The following EPHA6 variants were observed in gnomAD, a reference collection of about 807,000 sequenced individuals.
EPHA6 encodes ephrin type-A receptor 6.
Under a neutral mutation model 112.0 loss-of-function variants are expected in EPHA6, and 50 were observed. That is an observed-to-expected ratio of 0.45 (90% confidence interval 0.36 to 0.56). The LOEUF (loss-of-function observed/expected upper bound fraction) is 0.56. EPHA6 is among the 20% of genes least tolerant of loss of function. The probability of loss-of-function intolerance (pLI) is 0.00; values close to 1 mark genes in which losing one functional copy is unlikely to be tolerated. For missense variants in EPHA6, 1,280 were observed against 1,417.4 expected, an observed-to-expected ratio of 0.90 and a Z score of 1.56; for synonymous variants, 529 against 490.7, an observed-to-expected ratio of 1.08 and a Z score of -1.03.
chr3:97,121,398 A>G (rs916795017), intron 3 of EPHA6, among the ~76,000 whole-genome samples: 5 of 152,042 alleles, frequency 3.3e-5, no homozygotes, highest in African/African-American at 9.7e-5. Flanking sequence ...ATAATCTTAT[A>G]TGTAGGTGGA....
In EPHA6 at chr3:97,658,205, G is replaced by T. The variant is rs184094023; in HGVS notation, c.2784+20123G>T. 1.3e-3 allele frequency among the ~76,000 whole-genome samples: 197 copies of T among 151,946 alleles called. 1 individual carries two copies. Among genetic ancestry groups the T allele is most frequent in the Middle Eastern group, 3.4e-3 (1 of 294 alleles). On this transcript the variant is annotated intron_variant, in intron 14 of 17. Transcript: ENST00000389672. ...CATGTAAAACATGCTTTATAATGAA[G>T]AGTGAGACTATGAGCCCTGATTTTT...
rs145113129 is a variant in EPHA6 at position 97,084,067 on chromosome 3, A to AGTGTGTGTGTGTGTGTGT, written c.1114+96086_1114+96103dup. Among the ~76,000 whole-genome samples the AGTGTGTGTGTGTGTGTGT allele has an allele frequency of 1.8e-3, 194 of 109,724 alleles. 3 individuals carry two copies. Among genetic ancestry groups the AGTGTGTGTGTGTGTGTGT allele is most frequent in the African/African-American group, 6.1e-3 (180 of 29,324 alleles). The allele number at this position is 109,724 out of a possible 152,430, so 72.0% of individuals were successfully genotyped here. The stretch of plus-strand genomic sequence containing the variant: ...TAGGGGTGGTACATTTATTTCTTAA[A>AGTGTGTGTGTGTGTGTGT]GTGTGTGTGTGTGTGTGTGTGTGTG... On this transcript the variant is annotated intron_variant, in intron 3 of 17. Transcript: ENST00000389672.
At chr3:97,625,607 T>C (rs145422242) in intron 13 of EPHA6, among the ~76,000 whole-genome samples, 2 of 151,868 alleles carry the variant, frequency 1.3e-5, no homozygotes, top group Non-Finnish European at 3.0e-5. Context: ...TGTCCATTTT[T>C]CAGAGTGGGA....
intron 10 of EPHA6, among the ~76,000 whole-genome samples, chr3:97,530,476 G>C (rs751597438): frequency 2.0e-5 from 3 of 151,658 alleles, no homozygotes; most frequent in Non-Finnish European, 2.9e-5. Context: ...TCACCAAACA[G>C]CTTTGACATG....
chr3:97,517,038 G>A (rs951441666), intron 10 of EPHA6, among the ~76,000 whole-genome samples: 2 of 152,106 alleles, frequency 1.3e-5, no homozygotes, highest in South Asian at 2.1e-4. Flanking sequence ...GGTCTTCTTG[G>A]TTAATCATGT....
chr3:96,930,474 G>T (rs985345008), intron 2 of EPHA6, among the ~76,000 whole-genome samples: 13 of 152,284 alleles, frequency 8.5e-5, no homozygotes, highest in African/African-American at 2.4e-4. Flanking sequence ...GCAGGTTGCT[G>T]TGGGTCCCCT....
At chr3:97,234,549 G>A (rs2078626112) in intron 4 of EPHA6, among the ~76,000 whole-genome samples, 1 of 151,964 alleles carries the variant, frequency 6.6e-6, no homozygotes, top group Non-Finnish European at 1.5e-5. Context: ...AACATTTTTT[G>A]TCCTGTTATT....
intron 3 of EPHA6, among the ~76,000 whole-genome samples, chr3:97,134,837 C>T (rs912455291): frequency 2.0e-5 from 3 of 151,770 alleles, no homozygotes; most frequent in African/African-American, 7.3e-5. Flanking sequence ...AGAATAGATG[C>T]GAGATATGAC....
chr3:97,457,851 G>A (rs2090742693), intron 7 of EPHA6, among the ~76,000 whole-genome samples: 1 of 151,850 alleles, frequency 6.6e-6, no homozygotes, highest in African/African-American at 2.4e-5. Context: ...CGGATCACGA[G>A]GTCAGGAGAT....
chr3:97,630,587 A>G (rs1449686447), intron 13 of EPHA6, among the ~76,000 whole-genome samples: 5 of 152,040 alleles, frequency 3.3e-5, no homozygotes, highest in Non-Finnish European at 7.4e-5. Context: ...TTATAAATCA[A>G]TTGTTCAGAA....
intron 6 of EPHA6, among the ~76,000 whole-genome samples, chr3:97,446,619 G>T (rs984771050): frequency 3.3e-5 from 5 of 151,992 alleles, no homozygotes; most frequent in African/African-American, 1.2e-4. Context: ...TTCACACTGT[G>T]AGACAGCACT....
At chr3:97,543,702 C>T (rs1364119206) in intron 11 of EPHA6, among the ~76,000 whole-genome samples, 11 of 152,000 alleles carry the variant, frequency 7.2e-5, no homozygotes, top group South Asian at 2.1e-4. Flanking sequence ...GCCATTTTCA[C>T]GATATTGATT....
intron 2 of EPHA6, among the ~76,000 whole-genome samples, chr3:96,973,824 C>CAAAA (rs374520473): frequency 3.8e-5 from 2 of 52,736 alleles, no homozygotes; most frequent in Non-Finnish European, 7.6e-5. Context: ...GACTCCATAT[C>CAAAA]AAAAAAAAAA....
chr3:96,988,673 C>T (rs1453122692), intron 3 of EPHA6, among the ~76,000 whole-genome samples: 2 of 151,974 alleles, frequency 1.3e-5, no homozygotes, highest in Non-Finnish European at 2.9e-5. Context: ...CTGATCAGAG[C>T]TTAATTAATC....
chr3:97,135,414 C>A (rs2075741786), intron 3 of EPHA6, among the ~76,000 whole-genome samples: 1 of 152,014 alleles, frequency 6.6e-6, no homozygotes, highest in African/African-American at 2.4e-5. Flanking sequence ...ACTGGAAAAC[C>A]ATTTTCACTT....
intron 9 of EPHA6, among the ~76,000 whole-genome samples, chr3:97,480,581 G>C (rs535789491): frequency 6.6e-6 from 1 of 152,324 alleles, no homozygotes; most frequent in East Asian, 1.9e-4. Context: ...TCCCAAGGCA[G>C]AAGAATTTTT....
chr3:97,577,470 C>A (rs1025943842), intron 11 of EPHA6, among the ~76,000 whole-genome samples: 1 of 151,952 alleles, frequency 6.6e-6, no homozygotes, highest in African/African-American at 2.4e-5. Context: ...TTTCATCATA[C>A]ATCTAAGCAT....
chr3:96,892,581 A>G (rs1464311297), intron 2 of EPHA6, among the ~76,000 whole-genome samples: 1 of 152,056 alleles, frequency 6.6e-6, no homozygotes, highest in Non-Finnish European at 1.5e-5. Flanking sequence ...GGACTCAGAT[A>G]TGGAGGGAAA....
At chr3:96,996,030 A>G (rs1236652860) in intron 3 of EPHA6, among the ~76,000 whole-genome samples, 1 of 152,108 alleles carries the variant, frequency 6.6e-6, no homozygotes, top group East Asian at 1.9e-4. Flanking sequence ...GTCCTCTCAA[A>G]CCCTGCTGCT....
Sources: allele counts gnomAD v4.1 joint callset (sites outside exome capture counted in the v4.1 genomes callset), GRCh38; gene constraint gnomAD v4.1.1; transcripts MANE v1.5; gene names NCBI Gene and HGNC (gene_info 2026-07-23, HGNC 2026-07-21).